The following KIAA1328 variants were observed in gnomAD, a reference collection of about 807,000 sequenced individuals.
KIAA1328 encodes KIAA1328, also known as protein hinderin.
Under a neutral mutation model 68.1 loss-of-function variants are expected in KIAA1328, and 52 were observed. That is an observed-to-expected ratio of 0.76 (90% CI 0.61 to 0.96). The LOEUF is 0.96. Ranked by LOEUF, KIAA1328 falls within the 40% of genes least tolerant of loss-of-function variation. The probability of loss-of-function intolerance (pLI) is 0.00; values close to 1 mark genes in which losing one functional copy is unlikely to be tolerated. For synonymous variants in KIAA1328, 232 were observed against 239.4 expected (o/e 0.97, Z 0.28); for missense variants, 641 against 677.6 (o/e 0.95, Z 0.60).
At chr18:36,881,726 G>C (rs2048334640) in intron 4 of KIAA1328, among the ~76,000 whole-genome samples, 1 of 152,090 alleles carries the variant, frequency 6.6e-6, no homozygotes, top group South Asian at 2.1e-4. Context: ...TTTGAAACCA[G>C]TTTTTAAAAC....
intron 4 of KIAA1328, among the ~76,000 whole-genome samples, chr18:36,875,615 A>G (rs149323980): frequency 2.3e-3 from 355 of 152,322 alleles, no homozygotes; most frequent in Non-Finnish European, 3.5e-3. Flanking sequence ...ATCTGCAAAC[A>G]GAGACAATTT....
intron 5 of KIAA1328, among the ~76,000 whole-genome samples, chr18:36,886,617 A>T (rs2048511367): frequency 6.6e-6 from 1 of 152,148 alleles, no homozygotes; most frequent in East Asian, 1.9e-4. Context: ...TTTCTTTTGA[A>T]TAGGTAGAAT....
intron 1 of KIAA1328, among the ~76,000 whole-genome samples, chr18:36,833,813 A>G (rs976273525): frequency 6.6e-6 from 1 of 152,230 alleles, no homozygotes; most frequent in African/African-American, 2.4e-5. Flanking sequence ...ATATTTTATG[A>G]ATACACTGTA....
intron 4 of KIAA1328, among the ~76,000 whole-genome samples, chr18:36,865,775 C>T (rs1211544601): frequency 6.6e-6 from 1 of 152,068 alleles, no homozygotes; most frequent in Non-Finnish European, 1.5e-5. Context: ...CTCCTTATGC[C>T]TCTCTGGTTC....
intron 4 of KIAA1328, among the ~76,000 whole-genome samples, chr18:36,869,889 A>G (rs2047887111): frequency 6.6e-6 from 1 of 151,686 alleles, no homozygotes; most frequent in African/African-American, 2.4e-5. Context: ...TTTGAGACGG[A>G]GTCTCACTCT....
At chr18:36,865,399 CTA>C (rs1176649762) in intron 4 of KIAA1328, among the ~76,000 whole-genome samples, 1 of 151,888 alleles carries the variant, frequency 6.6e-6, no homozygotes, top group African/African-American at 2.4e-5. Flanking sequence ...TAGCTTAGTT[CTA>C]TTATGAATAG....
At chr18:36,881,518 T>C (rs1468378396) in intron 4 of KIAA1328, among the ~76,000 whole-genome samples, 1 of 152,188 alleles carries the variant, frequency 6.6e-6, no homozygotes, top group Non-Finnish European at 1.5e-5. Flanking sequence ...AAACAGCGTA[T>C]TCACAGTTGT....
chr18:37,148,365 T>C (rs1156238581), intron 7 of KIAA1328, among the ~76,000 whole-genome samples: 1 of 152,226 alleles, frequency 6.6e-6, no homozygotes, highest in Non-Finnish European at 1.5e-5. Flanking sequence ...ATTTTCTTTA[T>C]CCAGTCTATC....
chr18:36,940,674 CTTTTT>C (rs1272164052), intron 5 of KIAA1328, among the ~76,000 whole-genome samples: 3 of 127,692 alleles, frequency 2.3e-5, no homozygotes, highest in East Asian at 2.3e-4. Flanking sequence ...GCTCATTTTA[CTTTTT>C]TTTTTTTTTT....
chr18:36,997,622 C>A (rs1438209703), intron 6 of KIAA1328, among the ~76,000 whole-genome samples: 2 of 152,136 alleles, frequency 1.3e-5, no homozygotes, highest in African/African-American at 4.8e-5. Context: ...ATTTTCAAAC[C>A]TAGCTTTGGC....
chr18:36,873,887 C>T (rs947282611), intron 4 of KIAA1328, among the ~76,000 whole-genome samples: 12 of 152,078 alleles, frequency 7.9e-5, no homozygotes, highest in African/African-American at 2.9e-4. Context: ...CCTCCCTGTG[C>T]CCATATGTTT....
At chr18:37,020,416 C>T (rs2054304079) in intron 6 of KIAA1328, among the ~76,000 whole-genome samples, 2 of 152,336 alleles carry the variant, frequency 1.3e-5, no homozygotes, top group Admixed American at 1.3e-4. Flanking sequence ...AGCCACCACG[C>T]CCAGCCGAAA....
intron 9 of KIAA1328, among the ~76,000 whole-genome samples, chr18:37,193,042 G>T (rs575084669): frequency 6.6e-6 from 1 of 152,150 alleles, no homozygotes; most frequent in East Asian, 1.9e-4. Context: ...GTTCATTGTT[G>T]CACAGTGATA....
chr18:37,160,845 C>T (rs1351451672), intron 8 of KIAA1328, among the ~76,000 whole-genome samples: 1 of 152,074 alleles, frequency 6.6e-6, no homozygotes, highest in South Asian at 2.1e-4. Context: ...GCATTTTTTG[C>T]CTAACAGTCT....
At chr18:37,111,911 G>T (rs557427922) in intron 7 of KIAA1328, among the ~76,000 whole-genome samples, 128 of 152,318 alleles carry the variant, frequency 8.4e-4, no homozygotes, top group African/African-American at 2.9e-3. Flanking sequence ...TGCCCACAGA[G>T]CCTCACTCAC....
At chr18:36,961,359 C>G (rs768470558) in intron 6 of KIAA1328, among the ~76,000 whole-genome samples, 14 of 152,232 alleles carry the variant, frequency 9.2e-5, no homozygotes, top group Middle Eastern at 3.4e-3. Context: ...CTGAAAGTGT[C>G]AGGGAGAATG....
At chr18:36,924,530 C>T (rs778472441) in intron 5 of KIAA1328, among the ~76,000 whole-genome samples, 16 of 152,082 alleles carry the variant, frequency 1.1e-4, no homozygotes, top group Non-Finnish European at 2.2e-4. Context: ...AAAGAGAAAA[C>T]GAGTATGACT....
At chr18:36,940,805 A>T (rs1158317583) in intron 5 of KIAA1328, among the ~76,000 whole-genome samples, 1 of 151,144 alleles carries the variant, frequency 6.6e-6, no homozygotes, top group Non-Finnish European at 1.5e-5. Flanking sequence ...CCTCCTGAGT[A>T]GCTGGGATTA....
At chr18:37,209,122 T>G (rs2060268771) in intron 9 of KIAA1328, among the ~76,000 whole-genome samples, 1 of 152,216 alleles carries the variant, frequency 6.6e-6, no homozygotes, top group South Asian at 2.1e-4. Context: ...TCCCAATATA[T>G]TAAGTAAAAA....
Sources: allele counts gnomAD v4.1 joint callset (sites outside exome capture counted in the v4.1 genomes callset), GRCh38; gene constraint gnomAD v4.1.1; transcripts MANE v1.5; gene names NCBI Gene and HGNC (gene_info 2026-07-23, HGNC 2026-07-21).